CCSER1: variants seen among roughly 807,000 people sequenced by gnomAD.
CCSER1 encodes serine-rich coiled-coil domain-containing protein 1.
CCSER1 carries 41 observed loss-of-function variants against 82.0 expected under a neutral mutation model. That is an observed-to-expected ratio of 0.50 (90% CI 0.39 to 0.65). The LOEUF (loss-of-function observed/expected upper bound fraction) is 0.65. Ranked by LOEUF, CCSER1 falls within the 30% of genes least tolerant of loss-of-function variation. The pLI is 0.00. For synonymous variants in CCSER1, 414 were observed against 383.9 expected, an observed-to-expected ratio of 1.08 and a Z score of -0.92; for missense variants, 1,119 against 1,064.2, an observed-to-expected ratio of 1.05 and a Z score of -0.72.
At chr4:90,496,031 TAAAC>T (rs1272315902) in intron 5 of CCSER1, among the ~76,000 whole-genome samples, 9 of 152,224 alleles carry the variant, frequency 5.9e-5, no homozygotes, top group Non-Finnish European at 1.0e-4. Flanking sequence ...GAGTTTAAAA[TAAAC>T]AGAAACCTCT....
At chr4:90,833,305 C>T (rs966645645) in intron 8 of CCSER1, among the ~76,000 whole-genome samples, 1 of 152,162 alleles carries the variant, frequency 6.6e-6, no homozygotes, top group African/African-American at 2.4e-5. Context: ...GATGGCAGAT[C>T]CTTCATGGCC....
intron 4 of CCSER1, among the ~76,000 whole-genome samples, chr4:90,452,434 A>G (rs1248059167): frequency 6.6e-6 from 1 of 152,196 alleles, no homozygotes; most frequent in Non-Finnish European, 1.5e-5. Context: ...ATTATATGGC[A>G]CATAAACTGT....
chr4:91,588,094 G>C (rs1336240605), intron 10 of CCSER1, among the ~76,000 whole-genome samples: 2 of 151,118 alleles, frequency 1.3e-5, no homozygotes, highest in East Asian at 1.9e-4. Context: ...GTGCTTTGTT[G>C]ATTTTTTTTC....
At chr4:91,314,649 A>G (rs1320274729) in intron 10 of CCSER1, among the ~76,000 whole-genome samples, 1 of 151,888 alleles carries the variant, frequency 6.6e-6, no homozygotes, top group Non-Finnish European at 1.5e-5. Context: ...TCTCCTCTGT[A>G]TATACTCAAG....
intron 6 of CCSER1, among the ~76,000 whole-genome samples, chr4:90,721,169 A>G (rs1180011735): frequency 6.6e-6 from 1 of 151,920 alleles, no homozygotes; most frequent in Admixed American, 6.6e-5. Flanking sequence ...CATTAAATAG[A>G]AATAGAAAGG....
chr4:90,577,705 T>G (rs1780920085), intron 5 of CCSER1, among the ~76,000 whole-genome samples: 1 of 152,192 alleles, frequency 6.6e-6, no homozygotes, highest in African/African-American at 2.4e-5. Context: ...TTTTTAAAAT[T>G]TTTGTATCAT....
intron 10 of CCSER1, among the ~76,000 whole-genome samples, chr4:91,415,054 G>C (rs1753273667): frequency 1.3e-5 from 2 of 152,170 alleles, no homozygotes; most frequent in Admixed American, 6.5e-5. Context: ...GGAAGCAGTG[G>C]ACTTGAATAG....
At chr4:91,497,926 A>C (rs1474867679) in intron 10 of CCSER1, among the ~76,000 whole-genome samples, 1 of 151,912 alleles carries the variant, frequency 6.6e-6, no homozygotes, top group African/African-American at 2.4e-5. Flanking sequence ...CATGTGAAAG[A>C]GGTAATTTAA....
At chr4:91,562,129 C>T (rs1447498776) in intron 10 of CCSER1, among the ~76,000 whole-genome samples, 1 of 151,432 alleles carries the variant, frequency 6.6e-6, no homozygotes, top group Non-Finnish European at 1.5e-5. Context: ...TAACTTCAAT[C>T]ACATTTTACC....
At chr4:90,453,457 C>A (rs1372555441) in intron 4 of CCSER1, among the ~76,000 whole-genome samples, 2 of 152,190 alleles carry the variant, frequency 1.3e-5, no homozygotes, top group African/African-American at 4.8e-5. Context: ...GGCTTCTAGT[C>A]ATTTCCTAAC....
intron 5 of CCSER1, among the ~76,000 whole-genome samples, chr4:90,533,297 G>A (rs967862998): frequency 4.0e-5 from 6 of 151,768 alleles, no homozygotes; most frequent in South Asian, 4.2e-4. Context: ...GGGTTTCACC[G>A]TGTTAGCCAG....
intron 10 of CCSER1, among the ~76,000 whole-genome samples, chr4:91,142,257 C>G (rs1371437051): frequency 6.6e-6 from 1 of 152,158 alleles, no homozygotes; most frequent in Non-Finnish European, 1.5e-5. Context: ...TGAACAAGCT[C>G]TCTCTTGCCT....
chr4:90,536,048 T>TTTTC (rs1775308627), intron 5 of CCSER1, among the ~76,000 whole-genome samples: 2 of 150,026 alleles, frequency 1.3e-5, no homozygotes, highest in South Asian at 4.3e-4. Flanking sequence ...TTTTTTTTTT[T>TTTTC]TTGAGACGGA....
chr4:90,217,984 T>C (rs1560816405), intron 1 of CCSER1, among the ~76,000 whole-genome samples: 1 of 151,782 alleles, frequency 6.6e-6, no homozygotes, highest in East Asian at 1.9e-4. Flanking sequence ...TTATTGTATG[T>C]AGGTGGGGGT....
chr4:90,384,819 T>G (rs959454116), intron 3 of CCSER1, among the ~76,000 whole-genome samples: 1 of 152,180 alleles, frequency 6.6e-6, no homozygotes, highest in Non-Finnish European at 1.5e-5. Context: ...GTCTGAACTT[T>G]TAGTGTACCT....
intron 7 of CCSER1, among the ~76,000 whole-genome samples, chr4:90,789,614 A>G (rs965468391): frequency 2.0e-5 from 3 of 152,088 alleles, no homozygotes; most frequent in African/African-American, 4.8e-5. Context: ...TCATGGGGGC[A>G]CATCTTTTCC....
chr4:90,718,399 T>C (rs547724098), intron 6 of CCSER1, among the ~76,000 whole-genome samples: 27 of 152,222 alleles, frequency 1.8e-4, no homozygotes, highest in African/African-American at 6.3e-4. Context: ...TAATTATGCT[T>C]TCAGGGGAGG....
At chr4:90,234,312 G>T (rs968911021) in intron 1 of CCSER1, among the ~76,000 whole-genome samples, 4 of 151,398 alleles carry the variant, frequency 2.6e-5, no homozygotes, top group African/African-American at 9.7e-5. Context: ...TTGCTCCCTA[G>T]CTCAAGCAAT....
intron 1 of CCSER1, among the ~76,000 whole-genome samples, chr4:90,264,933 A>C (rs1724978908): frequency 6.6e-6 from 1 of 151,902 alleles, no homozygotes; most frequent in South Asian, 2.1e-4. Context: ...AACATAACCC[A>C]TTTTCCTTTT....
Sources: allele counts gnomAD v4.1 joint callset (sites outside exome capture counted in the v4.1 genomes callset), GRCh38; gene constraint gnomAD v4.1.1; transcripts MANE v1.5; gene names NCBI Gene and HGNC (gene_info 2026-07-23, HGNC 2026-07-21).